ANK3: variants seen among roughly 807,000 people sequenced by gnomAD.
ANK3 encodes the protein ankyrin-3.
Under a neutral mutation model 370.9 loss-of-function variants are expected in ANK3, and 57 were observed. The ratio of observed to expected loss-of-function variants is 0.15; its 90% CI spans 0.12 to 0.19. The LOEUF (loss-of-function observed/expected upper bound fraction) is 0.19, where lower values mean the gene tolerates loss of function less well. Among genes scored for constraint, ANK3 ranks in the 10% least tolerant of loss-of-function variants. The probability of loss-of-function intolerance (pLI) is 1.00; values close to 1 mark genes in which losing one functional copy is unlikely to be tolerated. For synonymous variants in ANK3, 1,929 were observed against 1,946.3 expected, an observed-to-expected ratio of 0.99 and a Z score of 0.23; for missense variants, 4,439 against 5,302.1, an observed-to-expected ratio of 0.84 and a Z score of 5.06.
At chr10:60,238,634 G>C (rs1351754706) in intron 7 of ANK3, among the ~76,000 whole-genome samples, 1 of 152,074 alleles carries the variant, frequency 6.6e-6, no homozygotes, top group African/African-American at 2.4e-5. Context: ...CAGGTGTGCA[G>C]AGAAAGCTCA....
chr10:60,418,855 C>T (rs753876103), intron 2 of ANK3, among the ~76,000 whole-genome samples: 7 of 152,062 alleles, frequency 4.6e-5, no homozygotes, highest in South Asian at 2.1e-4. Flanking sequence ...CCTTTTCAAA[C>T]GTATAAAACA....
chr10:60,628,882 A>C (rs182410220), intron 1 of ANK3, among the ~76,000 whole-genome samples: 4 of 152,186 alleles, frequency 2.6e-5, no homozygotes, highest in African/African-American at 9.6e-5. Context: ...AACATTTCCA[A>C]TTGGTTAGGA....
intron 1 of ANK3, among the ~76,000 whole-genome samples, chr10:60,708,859 C>T (rs1342757285): frequency 2.6e-5 from 4 of 152,100 alleles, no homozygotes; most frequent in Admixed American, 6.6e-5. Flanking sequence ...AACTGCAAGC[C>T]TCAAGCCTTA....
At chr10:60,653,724 TG>T (rs2078823477) in intron 1 of ANK3, among the ~76,000 whole-genome samples, 1 of 152,112 alleles carries the variant, frequency 6.6e-6, no homozygotes, top group African/African-American at 2.4e-5. Flanking sequence ...AAAAATTAGC[TG>T]GGTGTGGTGG....
intron 2 of ANK3, among the ~76,000 whole-genome samples, chr10:60,470,775 TC>T (rs2065198268): frequency 6.6e-6 from 1 of 151,882 alleles, no homozygotes; most frequent in South Asian, 2.1e-4. Context: ...AGAGAGGTAA[TC>T]TAATAAAGAA....
chr10:60,731,993 C>A (rs985380801), intron 1 of ANK3, among the ~76,000 whole-genome samples: 1 of 152,146 alleles, frequency 6.6e-6, no homozygotes, highest in Non-Finnish European at 1.5e-5. Flanking sequence ...CTCATTGATT[C>A]CCTGAGGATT....
intron 2 of ANK3, among the ~76,000 whole-genome samples, chr10:60,433,437 A>C (rs2064081590): frequency 1.3e-5 from 2 of 152,126 alleles, no homozygotes; most frequent in South Asian, 4.1e-4. Context: ...TAAAAATATA[A>C]AAATTAGCCC....
intron 23 of ANK3, chr10:60,145,961 G>GACTA (rs765002141): frequency 1.1e-4 from 90 of 810,376 alleles, no homozygotes; most frequent in Non-Finnish European, 8.3e-6. Context: ...AGAGGAGGGA[G>GACTA]ACTTACTTTT....
chr10:60,514,922 A>T (rs1262083824), intron 2 of ANK3, among the ~76,000 whole-genome samples: 1 of 152,150 alleles, frequency 6.6e-6, no homozygotes, highest in African/African-American at 2.4e-5. Flanking sequence ...TATTGTAGAG[A>T]GTTGTGTCTT....
chr10:60,540,830 G>A (rs553298383), intron 2 of ANK3, among the ~76,000 whole-genome samples: 1 of 152,012 alleles, frequency 6.6e-6, no homozygotes, highest in South Asian at 2.1e-4. Context: ...AGCCTGTCAC[G>A]ACAGTGACAA....
At chr10:60,492,980 T>A (rs1381150573) in intron 2 of ANK3, among the ~76,000 whole-genome samples, 13 of 148,614 alleles carry the variant, frequency 8.7e-5, no homozygotes, top group African/African-American at 3.0e-4. Flanking sequence ...CTTGGGAGGC[T>A]GAGGCAGGTG....
At chr10:60,273,256 C>T (rs947381398) in intron 4 of ANK3, among the ~76,000 whole-genome samples, 2 of 152,136 alleles carry the variant, frequency 1.3e-5, no homozygotes, top group African/African-American at 2.4e-5. Context: ...TGAGTGCTTG[C>T]CATCCTAAGA....
rs200056203 is a variant in ANK3, at chr10:60,531,418, T to G, written c.96+83768A>C. ...GTAAACATAAATATCTCTGGAAAGA[T>G]ACACAATTAACTGTAATATTAGTTG... On this transcript the variant is annotated intron_variant, in intron 2 of 43. Transcript: ENST00000373827. 1.1e-4 allele frequency among the ~76,000 whole-genome samples: 17 copies of G among 152,250 alleles called. No homozygotes were observed. In the East Asian group the frequency reaches 2.7e-3, roughly 24 times the overall value.
intron 8 of ANK3, among the ~76,000 whole-genome samples, chr10:60,230,541 A>T (rs1001251766): frequency 6.6e-6 from 1 of 152,172 alleles, no homozygotes; most frequent in Non-Finnish European, 1.5e-5. Flanking sequence ...ATTAATTAGC[A>T]TTATGGAGCT....
At chr10:60,276,594 G>A (rs1198640643) in intron 4 of ANK3, among the ~76,000 whole-genome samples, 1 of 152,178 alleles carries the variant, frequency 6.6e-6, no homozygotes, top group Non-Finnish European at 1.5e-5. Context: ...ATGTTCTTCT[G>A]CCTTACTGCA....
chr10:60,218,097 C>CTTTTTTTTTTTTTTTTTT (rs199989242), intron 8 of ANK3, among the ~76,000 whole-genome samples: 9 of 126,152 alleles, frequency 7.1e-5, no homozygotes, highest in African/African-American at 2.5e-4. Flanking sequence ...CTTTTTCTTT[C>CTTTTTTTTTTTTTTTTTT]TTTTTTTTTT....
intron 2 of ANK3, among the ~76,000 whole-genome samples, chr10:60,522,359 T>TC (rs2076368056): frequency 6.6e-6 from 1 of 151,530 alleles, no homozygotes; most frequent in Non-Finnish European, 1.5e-5. Flanking sequence ...TTTTTTTTTT[T>TC]CTGTAGCCAA....
At chr10:60,278,307 G>C (rs1031690) in intron 4 of ANK3, among the ~76,000 whole-genome samples, 2 of 152,066 alleles carry the variant, frequency 1.3e-5, no homozygotes, top group East Asian at 3.9e-4. Flanking sequence ...TAGATAGGCC[G>C]CTTTAAAAAT....
At chr10:60,530,431 C>T (rs2076576748) in intron 2 of ANK3, among the ~76,000 whole-genome samples, 1 of 145,124 alleles carries the variant, frequency 6.9e-6, no homozygotes, top group African/African-American at 2.6e-5. Context: ...TTTTATTAAT[C>T]CTCAATTCTG....
Sources: gnomAD v4.1 joint callset for allele counts (sites outside exome capture counted in the v4.1 genomes callset) on GRCh38, gnomAD v4.1.1 for gene constraint, MANE v1.5 for transcripts, NCBI Gene and HGNC (gene_info 2026-07-23, HGNC 2026-07-21) for gene names.